SIK2: variants seen among roughly 807,000 people sequenced by gnomAD.
SIK2 encodes salt inducible kinase 2.
Under a neutral mutation model 103.2 loss-of-function variants are expected in SIK2, and 29 were observed. The ratio of observed to expected loss-of-function variants is 0.28; its 90% CI spans 0.21 to 0.38. The LOEUF (loss-of-function observed/expected upper bound fraction) is 0.38. Among genes scored for constraint, SIK2 ranks in the 10% least tolerant of loss-of-function variants. SIK2 has a pLI of 1.00. For synonymous variants in SIK2, 412 were observed against 446.1 expected, an observed-to-expected ratio of 0.92 and a Z score of 0.96; for missense variants, 879 against 1,171.0, an observed-to-expected ratio of 0.75 and a Z score of 3.64.
intron 3 of SIK2, among the ~76,000 whole-genome samples, chr11:111,626,473 A>G (rs1281962966): frequency 2.6e-5 from 4 of 151,690 alleles, no homozygotes; most frequent in Non-Finnish European, 4.4e-5. Context: ...TCCTACCTGA[A>G]TGAGGTTTTG....
intron 3 of SIK2, among the ~76,000 whole-genome samples, chr11:111,621,733 G>A (rs2135841198): frequency 6.6e-6 from 1 of 152,154 alleles, no homozygotes; most frequent in South Asian, 2.1e-4. Flanking sequence ...TGGCCAACAT[G>A]GTGAAACCCC....
Position 111,703,428 on chromosome 11 carries a change from A to T in SIK2, c.948+5A>T. ...GATCAGCAGAAAACCATTGAGGTAA[A>T]GTGATCAGAGATTTCGGGGTTCTAC... is the stretch of plus-strand genomic sequence containing the variant. On this transcript the variant is annotated splice_donor_5th_base_variant and intron_variant, in intron 7 of 14. Transcript: ENST00000304987. 6.2e-7 allele frequency: 1 copy of T among 1,612,988 alleles called. No homozygotes were observed. Among genetic ancestry groups the T allele is most frequent in the South Asian group, 1.1e-5 (1 of 91,034 alleles).
chr11:111,725,114 A>AT lies in SIK2; in HGVS notation c.*989dup, dbSNP rs1408602245. 1 of 152,608 alleles carries AT rather than the reference A, an allele frequency of 6.6e-6. No homozygotes were observed. The highest frequency in any genetic ancestry group is 1.5e-5 in the Non-Finnish European group (1 of 68,036). 9.5% of individuals were successfully genotyped at this position (152,608 alleles called of 1,614,324 possible). The stretch of plus-strand genomic sequence containing the variant: ...GGACAGTTTCATATAGGGCTTAGAG[A>AT]TTTTAAGGACATGATAAATGAACTT... On this transcript the variant is annotated 3_prime_UTR_variant, in exon 15 of 15. Coordinates refer to ENST00000304987, the MANE Select transcript of SIK2 (RefSeq NM_015191.3).
intron 4 of SIK2, among the ~76,000 whole-genome samples, chr11:111,693,941 G>A (rs1009199978): frequency 1.3e-5 from 2 of 152,190 alleles, no homozygotes; most frequent in African/African-American, 4.8e-5. Context: ...TTGTGACCTT[G>A]ACCACGTTTC....
chr11:111,719,809 T>G lies in SIK2; in HGVS notation c.1301T>G (p.Val434Gly), dbSNP rs1231968105. ...NGCLLDPVPPVLVRKGCQSLP... is the reference protein window; with the variant it reads ...NGCLLDPVPPGLVRKGCQSLP... ...TGTCTGCTTGACCCTGTGCCTCCTG[T>G]CCTGGTGCGGAAGGGATGCCAGTCA... Residue 434 changes from valine to glycine, a missense_variant, in exon 10 of 15, where the codon GTC becomes GGC. Physicochemically the swap from Val to Gly is moderately radical, Grantham distance 109. This residue lies in a region of SIK2 where 222 missense variants were observed against 258.0 expected (regional missense o/e 0.86). Coordinates refer to ENST00000304987, the MANE Select transcript of SIK2 (RefSeq NM_015191.3). The G allele has an allele frequency of 1.2e-6, 2 of 1,614,036 alleles. No homozygotes were observed. The highest frequency in any genetic ancestry group is 2.7e-5 in the African/African-American group (2 of 74,954).
At chr11:111,633,085 A>G (rs1162414292) in intron 3 of SIK2, among the ~76,000 whole-genome samples, 1 of 152,220 alleles carries the variant, frequency 6.6e-6, no homozygotes, top group Non-Finnish European at 1.5e-5. Context: ...CTCAAAATAG[A>G]ACATGTAAAT....
chr11:111,718,716 C>G (rs192505614), intron 9 of SIK2: 1 of 152,342 alleles, frequency 6.6e-6, no homozygotes, highest in African/African-American at 2.4e-5. Flanking sequence ...ACATGAGCTT[C>G]TCCTGCTTCC....
chr11:111,703,472 A>C (rs1298262193), intron 7 of SIK2, 49 bp downstream of exon 7: 11 of 1,545,640 alleles, frequency 7.1e-6, no homozygotes, highest in Non-Finnish European at 9.8e-6. Flanking sequence ...GCTACTTGAA[A>C]TTTCATGCTC....
chr11:111,718,125 C>G (rs550625104), intron 9 of SIK2, among the ~76,000 whole-genome samples: 2 of 152,258 alleles, frequency 1.3e-5, no homozygotes, highest in Admixed American at 6.5e-5. Context: ...TAAGAAATGT[C>G]TGGTAAAATT....
chr11:111,720,419 C>G (rs992170779), intron 10 of SIK2, 59 bp from the exon 11 acceptor site: 18 of 1,491,728 alleles, frequency 1.2e-5, no homozygotes, highest in Non-Finnish European at 1.6e-5. Flanking sequence ...TGCTTTGTAC[C>G]CTATGTTCCA....
chr11:111,701,364 T>G lies in SIK2; in HGVS notation c.604-88T>G, dbSNP rs1478117230. On this transcript the variant is annotated intron_variant, in intron 5 of 14. Transcript: ENST00000304987. The surrounding 1 kb of genome is among the most constrained non-coding windows in gnomAD (Gnocchi z 4.2). The stretch of plus-strand genomic sequence containing the variant: ...CCAGACAGGAATTTTTCAGTCCATA[T>G]GATTTCAAGAGCCCTGGGGATGTTC... The G allele has an allele frequency of 5.4e-6, 8 of 1,492,328 alleles. No homozygotes were observed. Among genetic ancestry groups the G allele is most frequent in the Non-Finnish European group, 7.2e-6 (8 of 1,111,816 alleles). 92.4% of individuals were successfully genotyped at this position (1,492,328 alleles called of 1,614,324 possible).
At chr11:111,605,108 G>C (rs920503535) in intron 1 of SIK2, among the ~76,000 whole-genome samples, 3 of 151,972 alleles carry the variant, frequency 2.0e-5, no homozygotes, top group Admixed American at 2.0e-4. Flanking sequence ...GATTACAGGC[G>C]CTCACCACCA....
chr11:111,658,607 G>T (rs1301831836), intron 3 of SIK2, among the ~76,000 whole-genome samples: 5 of 152,134 alleles, frequency 3.3e-5, no homozygotes, highest in African/African-American at 1.2e-4. Context: ...GCCAGGCACA[G>T]TGGCATATGC....
At chr11:111,702,961 A>G (rs944654189) in intron 6 of SIK2, among the ~76,000 whole-genome samples, 1 of 152,182 alleles carries the variant, frequency 6.6e-6, no homozygotes, top group Non-Finnish European at 1.5e-5. Flanking sequence ...AATTCAGTAG[A>G]AAGTTTCCTT....
At chr11:111,636,989 A>G (rs867209029) in intron 3 of SIK2, among the ~76,000 whole-genome samples, 2 of 152,322 alleles carry the variant, frequency 1.3e-5, no homozygotes, top group Middle Eastern at 3.4e-3. Context: ...TTGTGGTGCT[A>G]GGCTATCTGG....
chr11:111,628,416 A>T lies in SIK2; in HGVS notation c.316+8014A>T, dbSNP rs199952365. 8.8e-4 allele frequency among the ~76,000 whole-genome samples: 111 copies of T among 125,682 alleles called. 1 individual carries two copies. The South Asian group carries it at 0.013, about 14-fold the overall frequency. 82.5% of individuals were successfully genotyped at this position (125,682 alleles called of 152,430 possible). A position where few individuals can be genotyped will look rare whatever the true frequency, so the allele number is the denominator to read the frequency against. ...CCTCTTTAGAGGCAACCGCTTTCATATCTTTCTTTCTTTCTTTCTTTCTTT... is the reference window on the plus strand; with the variant it reads ...CCTCTTTAGAGGCAACCGCTTTCATTTCTTTCTTTCTTTCTTTCTTTCTTT... On this transcript the variant is annotated intron_variant, in intron 3 of 14. Coordinates refer to ENST00000304987, the MANE Select transcript of SIK2 (RefSeq NM_015191.3).
At chr11:111,716,826 AAAG>A (rs1326990598) in intron 9 of SIK2, among the ~76,000 whole-genome samples, 2 of 152,202 alleles carry the variant, frequency 1.3e-5, no homozygotes, top group African/African-American at 4.8e-5. Context: ...ACCTGCATGA[AAAG>A]AAACACTGAA....
chr11:111,669,597 A>G (rs540769924), intron 3 of SIK2, among the ~76,000 whole-genome samples: 5 of 151,656 alleles, frequency 3.3e-5, no homozygotes, highest in Admixed American at 2.0e-4. Flanking sequence ...TTAAAAAAGA[A>G]AAAAAAAGAA....
Position 111,726,884 on chromosome 11 carries a change from G to A in SIK2, c.*2755G>A, listed in dbSNP as rs139119746. Reference sequence around the variant, plus strand: ...CTGAAGAGACTTTGGTGAGATGAACGTGAGGTAAAAATTTCGTTCGGCAAA... The same window carrying A: ...CTGAAGAGACTTTGGTGAGATGAACATGAGGTAAAAATTTCGTTCGGCAAA... On this transcript the variant is annotated 3_prime_UTR_variant, in exon 15 of 15. Coordinates refer to ENST00000304987, the MANE Select transcript of SIK2 (RefSeq NM_015191.3). 24 of 1,299,784 alleles carry A rather than the reference G, an allele frequency of 1.8e-5. No individual in the cohort carries two copies. The highest frequency in any genetic ancestry group is 2.9e-5 in the African/African-American group (2 of 68,758). 80.5% of individuals were successfully genotyped at this position (1,299,784 alleles called of 1,614,324 possible). A position where few individuals can be genotyped will look rare whatever the true frequency, so the allele number is the denominator to read the frequency against.
Sources: allele counts gnomAD v4.1 joint callset (sites outside exome capture counted in the v4.1 genomes callset), GRCh38; gene constraint gnomAD v4.1.1; regional missense constraint gnomAD v4.1.1; non-coding constraint Gnocchi (gnomAD v3.1); transcripts MANE v1.5; gene names NCBI Gene and HGNC (gene_info 2026-07-23, HGNC 2026-07-21).